AMPH: variants seen among roughly 807,000 people sequenced by gnomAD.
AMPH encodes the protein amphiphysin (Stiff-Mann syndrome with breast cancer 128kD autoantigen).
A neutral mutation model predicts 99.1 loss-of-function variants in AMPH; 49 were observed. That is an observed-to-expected ratio of 0.49 (90% CI 0.39 to 0.63). The LOEUF is 0.63. Among genes scored for constraint, AMPH ranks in the 20% least tolerant of loss-of-function variants. The pLI is 0.00. For missense variants in AMPH, 759 were observed against 863.4 expected, an observed-to-expected ratio of 0.88 and a Z score of 1.52; for synonymous variants, 314 against 317.3, an observed-to-expected ratio of 0.99 and a Z score of 0.11.
At chr7:38,402,722 T>C (rs1410443271) in intron 17 of AMPH, among the ~76,000 whole-genome samples, 1 of 152,180 alleles carries the variant, frequency 6.6e-6, no homozygotes, top group Non-Finnish European at 1.5e-5. Context: ...TGATCGAGGG[T>C]GGAGATGGAT....
At chr7:38,404,167 T>G (rs1344023432) in intron 17 of AMPH, among the ~76,000 whole-genome samples, 1 of 151,728 alleles carries the variant, frequency 6.6e-6, no homozygotes, top group East Asian at 1.9e-4. Flanking sequence ...AACAGGAAAG[T>G]GAATCACATC....
chr7:38,475,269 G>T lies in AMPH; in HGVS notation c.590+62C>A. On this transcript the variant is annotated intron_variant, in intron 7 of 20. Transcript: ENST00000356264. ...CAGTAATAATAAAGACAAGATAAGG[G>T]ATATTCACTGATCTTGAATTTCTAA... 3 of 1,026,232 alleles carry T rather than the reference G, an allele frequency of 2.9e-6. No homozygotes were observed. The East Asian group carries it at 7.3e-5, about 25-fold the overall frequency. The allele number at this position is 1,026,232 out of a possible 1,614,324, so 63.6% of individuals were successfully genotyped here.
chr7:38,512,910 C>A (rs1194397953), intron 2 of AMPH, among the ~76,000 whole-genome samples: 1 of 152,152 alleles, frequency 6.6e-6, no homozygotes, highest in Non-Finnish European at 1.5e-5. Context: ...GACAGCAACA[C>A]CCTACAATTC....
intron 1 of AMPH, among the ~76,000 whole-genome samples, chr7:38,556,846 T>C (rs1791381541): frequency 6.6e-6 from 1 of 151,416 alleles, no homozygotes; most frequent in East Asian, 1.9e-4. Context: ...ACTACCAGAG[T>C]GGGAGGGACG....
intron 2 of AMPH, among the ~76,000 whole-genome samples, chr7:38,507,436 A>G (rs182089655): frequency 4.5e-4 from 68 of 152,348 alleles, no homozygotes; most frequent in East Asian, 3.9e-3. Flanking sequence ...CTAAAATTCT[A>G]CCTTAATCAA....
chr7:38,575,691 G>A (rs187032825), intron 1 of AMPH, among the ~76,000 whole-genome samples: 102 of 152,316 alleles, frequency 6.7e-4, no homozygotes, highest in African/African-American at 2.3e-3. Context: ...GCTGAACTGT[G>A]AGTCAATTAA....
intron 12 of AMPH, among the ~76,000 whole-genome samples, chr7:38,435,660 T>A (rs6978626): frequency 0.62 from 94,482 of 152,056 alleles, 30,261 homozygotes; most frequent in East Asian, 0.88. Context: ...TAATGACAGT[T>A]ACTATAAGAA....
intron 2 of AMPH, among the ~76,000 whole-genome samples, chr7:38,510,538 G>T (rs7788738): frequency 0.58 from 88,651 of 151,990 alleles, 26,135 homozygotes; most frequent in Middle Eastern, 0.71. Context: ...CACAATTCTG[G>T]TAGCTCATAC....
intron 11 of AMPH, among the ~76,000 whole-genome samples, chr7:38,452,486 T>C (rs1259258758): frequency 6.6e-6 from 1 of 152,252 alleles, no homozygotes; most frequent in Admixed American, 6.5e-5. Context: ...CATTCACTTA[T>C]AATACGTAGC....
intron 1 of AMPH, among the ~76,000 whole-genome samples, chr7:38,562,768 G>T (rs1248710971): frequency 1.3e-5 from 2 of 152,130 alleles, no homozygotes; most frequent in Non-Finnish European, 2.9e-5. Flanking sequence ...CCATTATTAA[G>T]AATATTGCAG....
chr7:38,485,647 T>C (rs1458996871), intron 5 of AMPH, among the ~76,000 whole-genome samples: 1 of 151,914 alleles, frequency 6.6e-6, no homozygotes, highest in Non-Finnish European at 1.5e-5. Flanking sequence ...TACAGAATAT[T>C]CAATCCAACA....
chr7:38,578,256 C>T lies in AMPH; in HGVS notation c.70-43245G>A, dbSNP rs566798504. ...AGTAAGAAGAATTGCAGTGTCTCCA[C>T]CCTCTCCCCAAACAGCAGGTGCTAA... On this transcript the variant is annotated intron_variant, in intron 1 of 20. Coordinates refer to ENST00000356264, the MANE Select transcript of AMPH (RefSeq NM_001635.4). Among the ~76,000 whole-genome samples the T allele has an allele frequency of 2.0e-5, 3 of 152,310 alleles. No individual in the cohort carries two copies. In the East Asian group the frequency reaches 5.8e-4, roughly 29 times the overall value.
chr7:38,545,043 G>A (rs559920084), intron 1 of AMPH, among the ~76,000 whole-genome samples: 2 of 152,146 alleles, frequency 1.3e-5, no homozygotes, highest in Non-Finnish European at 2.9e-5. Flanking sequence ...ATTATTTTCT[G>A]GCAACTCTCT....
intron 1 of AMPH, among the ~76,000 whole-genome samples, chr7:38,565,937 A>G (rs1791726707): frequency 6.6e-6 from 1 of 152,234 alleles, no homozygotes; most frequent in African/African-American, 2.4e-5. Flanking sequence ...TCAATGCAAC[A>G]TTTACAAAAC....
intron 14 of AMPH, chr7:38,429,211 C>T (rs1467720198): frequency 1.6e-6 from 2 of 1,289,088 alleles, no homozygotes; most frequent in Non-Finnish European, 2.0e-6. Flanking sequence ...TACAGCTGCT[C>T]CATCTCCACA....
chr7:38,490,658 C>T (rs182606741), intron 5 of AMPH, among the ~76,000 whole-genome samples: 1 of 152,248 alleles, frequency 6.6e-6, no homozygotes, highest in Non-Finnish European at 1.5e-5. Context: ...GTTTTGCTCT[C>T]ATATTTACAA....
At chr7:38,627,671 A>T (rs1281625784) in intron 1 of AMPH, among the ~76,000 whole-genome samples, 1 of 150,920 alleles carries the variant, frequency 6.6e-6, no homozygotes, top group Non-Finnish European at 1.5e-5. Flanking sequence ...AAAAAAAAAA[A>T]AGCTAAAGGA....
chr7:38,501,482 C>T (rs2129026003), intron 3 of AMPH, among the ~76,000 whole-genome samples: 2 of 152,260 alleles, frequency 1.3e-5, no homozygotes, highest in East Asian at 3.9e-4. Flanking sequence ...GCCACTGTGC[C>T]TGGCTGTAAC....
intron 11 of AMPH, among the ~76,000 whole-genome samples, chr7:38,446,748 A>G (rs1786799310): frequency 6.6e-6 from 1 of 152,204 alleles, no homozygotes; most frequent in Non-Finnish European, 1.5e-5. Flanking sequence ...CTCATCAAAT[A>G]TGTGCATATG....
Sources: allele counts gnomAD v4.1 joint callset (sites outside exome capture counted in the v4.1 genomes callset), GRCh38; gene constraint gnomAD v4.1.1; transcripts MANE v1.5; gene names NCBI Gene and HGNC (gene_info 2026-07-23, HGNC 2026-07-21).